TNRC6A: variants seen among roughly 807,000 people sequenced by gnomAD.
TNRC6A encodes the protein trinucleotide repeat containing adaptor 6A.
Under a neutral mutation model 221.2 loss-of-function variants are expected in TNRC6A, and 44 were observed. That is an observed-to-expected ratio of 0.20 (90% CI 0.16 to 0.26). The LOEUF (loss-of-function observed/expected upper bound fraction) is 0.26, where lower values mean the gene tolerates loss of function less well. Ranked by LOEUF, TNRC6A falls within the 10% of genes least tolerant of loss-of-function variation. TNRC6A has a pLI of 1.00. For synonymous variants in TNRC6A, 847 were observed against 838.5 expected, an observed-to-expected ratio of 1.01 and a Z score of -0.18; for missense variants, 2,199 against 2,404.4, an observed-to-expected ratio of 0.91 and a Z score of 1.79.
At chr16:24,625,409 C>A (rs191035579) in intron 1 of TNRC6A, among the ~76,000 whole-genome samples, 1 of 152,010 alleles carries the variant, frequency 6.6e-6, no homozygotes, top group African/African-American at 2.4e-5. Flanking sequence ...GTCAGGAGTT[C>A]GAGACCAGCC....
At chr16:24,665,516 T>A (rs983664501) in intron 2 of TNRC6A, among the ~76,000 whole-genome samples, 3 of 152,182 alleles carry the variant, frequency 2.0e-5, no homozygotes, top group Non-Finnish European at 2.9e-5. Flanking sequence ...CTCCAAGGTG[T>A]TTTCTTCACA....
chr16:24,782,136 A>C (rs2057863269), intron 5 of TNRC6A, among the ~76,000 whole-genome samples: 1 of 151,902 alleles, frequency 6.6e-6, no homozygotes, highest in Non-Finnish European at 1.5e-5. Context: ...TTAACTCTTA[A>C]ATGCCTCCCA....
intron 2 of TNRC6A, among the ~76,000 whole-genome samples, chr16:24,711,864 T>C (rs1221937045): frequency 6.6e-6 from 1 of 152,164 alleles, no homozygotes; most frequent in African/African-American, 2.4e-5. Context: ...TCACACTATG[T>C]TGCCCGGGCT....
chr16:24,668,362 A>T (rs2055218577), intron 2 of TNRC6A, among the ~76,000 whole-genome samples: 1 of 151,740 alleles, frequency 6.6e-6, no homozygotes, highest in African/African-American at 2.4e-5. Context: ...AAAGAAAAAG[A>T]AAAAAAGAAA....
At chr16:24,759,825 A>G (rs1466465289) in intron 4 of TNRC6A, among the ~76,000 whole-genome samples, 4 of 152,160 alleles carry the variant, frequency 2.6e-5, no homozygotes, top group Non-Finnish European at 5.9e-5. Context: ...AGATCAGAAG[A>G]GGAGTTGAAG....
chr16:24,794,822 T>G (rs1241405895), intron 8 of TNRC6A, 103 bp downstream of exon 8: 4 of 1,140,356 alleles, frequency 3.5e-6, no homozygotes, highest in Non-Finnish European at 2.4e-6. Context: ...GTCAGTACAG[T>G]CCAGGCAGCC....
chr16:24,674,917 T>C (rs1243621639), intron 2 of TNRC6A, among the ~76,000 whole-genome samples: 1 of 152,104 alleles, frequency 6.6e-6, no homozygotes, highest in Non-Finnish European at 1.5e-5. Flanking sequence ...GGCAGGAGGA[T>C]CACTTGAACC....
intron 1 of TNRC6A, among the ~76,000 whole-genome samples, chr16:24,617,106 G>GT (rs2141568834): frequency 6.6e-6 from 1 of 151,186 alleles, no homozygotes; most frequent in Admixed American, 6.6e-5. Flanking sequence ...TTATCTATTA[G>GT]TTTTTTTGAG....
In TNRC6A at chr16:24,713,448, ACAAAAAAAT is replaced by A. The variant is rs1567380105; in HGVS notation, n.403-37277_403-37269del. On this transcript the variant is annotated intron_variant and non_coding_transcript_variant, in intron 2 of 2. Coordinates refer to the TNRC6A transcript ENST00000566108. ...AACAAACAAACAAACAAACAAACAA[ACAAAAAAAT>A]ATATATATATATATGTTACCTTTTT... 2.2e-3 allele frequency among the ~76,000 whole-genome samples: 279 copies of A among 127,230 alleles called. 1 individual carries two copies. Among genetic ancestry groups the A allele is most frequent in the African/African-American group, 8.8e-3 (254 of 28,852 alleles). The allele number at this position is 127,230 out of a possible 152,430, so 83.5% of individuals were successfully genotyped here. A position where few individuals can be genotyped will look rare whatever the true frequency, so the allele number is the denominator to read the frequency against.
chr16:24,727,870 G>C (rs1367633333), upstream of TNRC6A, among the ~76,000 whole-genome samples: 1 of 151,920 alleles, frequency 6.6e-6, no homozygotes, highest in Non-Finnish European at 1.5e-5. Flanking sequence ...AGCAGGAAAA[G>C]GAAAGTCACT....
chr16:24,757,209 A>G (rs1395760193), intron 3 of TNRC6A, among the ~76,000 whole-genome samples: 1 of 152,164 alleles, frequency 6.6e-6, no homozygotes, highest in African/African-American at 2.4e-5. Context: ...CTAGTGCTCT[A>G]AAACTTAGCA....
At chr16:24,615,561 T>C (rs571545633) in intron 1 of TNRC6A, among the ~76,000 whole-genome samples, 1 of 152,238 alleles carries the variant, frequency 6.6e-6, no homozygotes, top group East Asian at 1.9e-4. Flanking sequence ...AATCGGAGTG[T>C]GGGCTCATGA....
chr16:24,774,485 A>C (rs2057679228), intron 4 of TNRC6A, among the ~76,000 whole-genome samples: 1 of 152,176 alleles, frequency 6.6e-6, no homozygotes, highest in South Asian at 2.1e-4. Context: ...TTTTGTATAT[A>C]GGTTTTCTTC....
chr16:24,798,040 A>C (rs111780358), intron 11 of TNRC6A, 74 bp downstream of exon 11: 1 of 1,354,384 alleles, frequency 7.4e-7, no homozygotes, highest in South Asian at 1.3e-5. Flanking sequence ...CTACTGAAAG[A>C]GCCCTGACGT....
chr16:24,766,534 G>T (rs1276509556), intron 4 of TNRC6A, among the ~76,000 whole-genome samples: 2 of 152,126 alleles, frequency 1.3e-5, no homozygotes, highest in African/African-American at 4.8e-5. Context: ...GAATCACAGT[G>T]CAGTGCAAGG....
intron 2 of TNRC6A, among the ~76,000 whole-genome samples, chr16:24,735,855 CT>C (rs1310504378): frequency 6.6e-6 from 1 of 152,142 alleles, no homozygotes; most frequent in Non-Finnish European, 1.5e-5. Context: ...ACAGAAATCC[CT>C]ATCTCATTTT....
rs1399985361 is a variant in TNRC6A at position 24,793,708 on chromosome 16, A to G, written c.3352+59A>G. The G allele has an allele frequency of 5.7e-6, 7 of 1,238,790 alleles. No individual in the cohort carries two copies. The East Asian group carries it at 8.5e-5, about 15-fold the overall frequency. 76.7% of individuals were successfully genotyped at this position (1,238,790 alleles called of 1,614,324 possible). On this transcript the variant is annotated intron_variant, in intron 7 of 24. Transcript: ENST00000395799. Reference sequence around the variant, plus strand: ...TAGCAGTGGCGAACACTCACTGACTATAATTAAATAATTAGATAAGGTTTC... The same window carrying G: ...TAGCAGTGGCGAACACTCACTGACTGTAATTAAATAATTAGATAAGGTTTC...
intron 5 of TNRC6A, among the ~76,000 whole-genome samples, chr16:24,777,757 C>T: frequency 6.6e-6 from 1 of 152,116 alleles, no homozygotes; most frequent in South Asian, 2.1e-4. Context: ...AGCTGACATA[C>T]CAAGATGTTA....
At chr16:24,805,857 C>G (rs2058420645) in intron 15 of TNRC6A, 124 bp downstream of exon 15, 1 of 1,260,432 alleles carries the variant, frequency 7.9e-7, no homozygotes. Flanking sequence ...CCTCATGGAG[C>G]TTACAGTCTA....
Sources: gnomAD v4.1 joint callset for allele counts (sites outside exome capture counted in the v4.1 genomes callset) on GRCh38, gnomAD v4.1.1 for gene constraint, MANE v1.5 for transcripts, NCBI Gene and HGNC (gene_info 2026-07-23, HGNC 2026-07-21) for gene names.